The following INTS7 variants were observed in gnomAD, a reference collection of about 807,000 sequenced individuals.
INTS7 encodes the protein integrator complex subunit 7.
A neutral mutation model predicts 109.2 loss-of-function variants in INTS7; 46 were observed. That is an observed-to-expected ratio of 0.42 (90% CI 0.33 to 0.54). The LOEUF (loss-of-function observed/expected upper bound fraction) is 0.54. Ranked by LOEUF, INTS7 falls within the 20% of genes least tolerant of loss-of-function variation. The probability of loss-of-function intolerance (pLI) is 0.07; values close to 1 mark genes in which losing one functional copy is unlikely to be tolerated. For missense variants in INTS7, 929 were observed against 1,132.4 expected, an observed-to-expected ratio of 0.82 and a Z score of 2.58; for synonymous variants, 412 against 402.9, an observed-to-expected ratio of 1.02 and a Z score of -0.27.
chr1:211,984,470 TGTACAACAGTACA>T (rs1664806217), intron 8 of INTS7, among the ~76,000 whole-genome samples: 1 of 152,174 alleles, frequency 6.6e-6, no homozygotes, highest in Admixed American at 6.5e-5. Context: ...TTTCCCCCTA[TGTACAACAGTACA>T]ATTTAAAAAC....
intron 7 of INTS7, among the ~76,000 whole-genome samples, chr1:212,003,338 T>C (rs1571895342): frequency 8.2e-6 from 1 of 122,424 alleles, no homozygotes; most frequent in Middle Eastern, 4.9e-3. Flanking sequence ...CTTCAAAGAG[T>C]ATTACTATTT....
intron 10 of INTS7, among the ~76,000 whole-genome samples, chr1:211,978,911 T>C (rs185262689): frequency 1.7e-4 from 26 of 152,278 alleles, no homozygotes; most frequent in Admixed American, 1.5e-3. Flanking sequence ...AATAAAAATA[T>C]AGATTCCTGA....
At chr1:211,992,012 G>A (rs1253829427) in intron 7 of INTS7, among the ~76,000 whole-genome samples, 1 of 152,172 alleles carries the variant, frequency 6.6e-6, no homozygotes, top group Non-Finnish European at 1.5e-5. Context: ...AATAAAAGCA[G>A]ATATAGATGC....
chr1:212,015,246 G>A (rs968927886), intron 4 of INTS7, among the ~76,000 whole-genome samples: 11 of 152,188 alleles, frequency 7.2e-5, no homozygotes, highest in Admixed American at 1.3e-4. Context: ...TGACGACGAT[G>A]GGGGTTTTGT....
At chr1:212,012,577 C>A (rs988723279) in intron 4 of INTS7, among the ~76,000 whole-genome samples, 6 of 152,092 alleles carry the variant, frequency 3.9e-5, no homozygotes, top group African/African-American at 1.4e-4. Context: ...GCCATGATTG[C>A]GCCACTGCAT....
chr1:212,013,350 A>G (rs1291875684), intron 4 of INTS7, among the ~76,000 whole-genome samples: 3 of 152,244 alleles, frequency 2.0e-5, no homozygotes, highest in Admixed American at 2.0e-4. Flanking sequence ...AAAAGCTTAT[A>G]GAATAAGGAT....
intron 7 of INTS7, among the ~76,000 whole-genome samples, chr1:212,004,199 G>T (rs1665801195): frequency 6.6e-6 from 1 of 152,140 alleles, no homozygotes; most frequent in Non-Finnish European, 1.5e-5. Context: ...AAAATTAGCT[G>T]GGTGTGGTGG....
intron 5 of INTS7, among the ~76,000 whole-genome samples, chr1:212,010,204 T>C (rs1043309702): frequency 1.3e-5 from 2 of 152,224 alleles, no homozygotes; most frequent in Non-Finnish European, 2.9e-5. Context: ...AGGAATGCTC[T>C]TTATAAGAAT....
intron 7 of INTS7, among the ~76,000 whole-genome samples, chr1:212,005,590 C>T (rs1436593048): frequency 6.6e-6 from 1 of 152,160 alleles, no homozygotes; most frequent in Non-Finnish European, 1.5e-5. Flanking sequence ...TACTGTGCTT[C>T]TCACTCATCT....
At position 211,976,651 on chromosome 1, in the gene INTS7, A is replaced by G. The variant is rs201198293; in HGVS notation, c.1539T>C (p.Ile513=). Residue 513 remains isoleucine (I), a synonymous_variant, in exon 12 of 20, where the codon ATT becomes ATC. Transcript: ENST00000366994. ...TGGAGACACTTTCAAGCTGCTGCTT[A>G]ATTACTGCCTTACTTTCCACAGACA... is the stretch of plus-strand genomic sequence containing the variant. The part of the protein sequence containing the change: ...KALSVESKAV[I]KQQLESVSNG... The G allele has an allele frequency of 3.5e-5, 56 of 1,613,874 alleles. No homozygotes were observed. The East Asian group carries it at 1.0e-3, about 30-fold the overall frequency.
chr1:211,960,520 G>A (rs760076813), intron 16 of INTS7, among the ~76,000 whole-genome samples: 10 of 152,034 alleles, frequency 6.6e-5, no homozygotes, highest in Non-Finnish European at 1.5e-4. Flanking sequence ...TCAAGAAGGA[G>A]GAATACATTG....
chr1:211,969,546 CTTTTCT>C (rs1664071079), intron 13 of INTS7, among the ~76,000 whole-genome samples: 7 of 121,098 alleles, frequency 5.8e-5, no homozygotes, highest in South Asian at 2.7e-4. Context: ...TTTTCTTTTT[CTTTTCT>C]TTTTTTTTTT....
At chr1:212,029,583 G>A (rs545399947) in intron 1 of INTS7, among the ~76,000 whole-genome samples, 80 of 152,334 alleles carry the variant, frequency 5.3e-4, no homozygotes, top group Non-Finnish European at 9.1e-4. Flanking sequence ...GTAAGACAAG[G>A]TTCATGATAT....
intron 8 of INTS7, 122 bp downstream of exon 8, chr1:211,987,764 G>A: frequency 2.0e-6 from 1 of 507,844 alleles, no homozygotes; most frequent in South Asian, 3.7e-5. Context: ...TCACTAGCAT[G>A]CAATGGAGTA....
At chr1:211,975,562 C>T (rs1558034698) in intron 12 of INTS7, among the ~76,000 whole-genome samples, 190 bp from the exon 13 acceptor site, 1 of 152,122 alleles carries the variant, frequency 6.6e-6, no homozygotes, top group African/African-American at 2.4e-5. Context: ...TGCTGAGTTG[C>T]TTTTATGTAA....
intron 5 of INTS7, among the ~76,000 whole-genome samples, chr1:212,009,579 T>A (rs1472052379): frequency 6.6e-6 from 1 of 152,194 alleles, no homozygotes; most frequent in Non-Finnish European, 1.5e-5. Flanking sequence ...TCTAGTAACC[T>A]CTCTTTAACC....
intron 1 of INTS7, among the ~76,000 whole-genome samples, chr1:212,022,669 T>C (rs1427217438): frequency 6.6e-6 from 1 of 151,572 alleles, no homozygotes; most frequent in Non-Finnish European, 1.5e-5. Context: ...GGGATAACTA[T>C]AACTCTCATA....
In INTS7 at chr1:211,961,459, T is replaced by A. The variant is rs564487679; in HGVS notation, c.2183+4971A>T. Among the ~76,000 whole-genome samples the A allele has an allele frequency of 5.3e-5, 8 of 151,916 alleles. 1 individual carries two copies. In the South Asian group the frequency reaches 1.7e-3, roughly 32 times the overall value. On this transcript the variant is annotated intron_variant, in intron 16 of 19. Transcript: ENST00000366994. ...TTTTTTTTTTTCCTGAGATGGAGTC[T>A]TGGTCTGTTGCCCAGGCTGGAGTGC...
At chr1:211,994,136 A>G (rs953375865) in intron 7 of INTS7, among the ~76,000 whole-genome samples, 2 of 152,198 alleles carry the variant, frequency 1.3e-5, no homozygotes, top group Admixed American at 6.5e-5. Context: ...AAAGGAGAGA[A>G]GGAAGAAGGG....
Sources: allele counts gnomAD v4.1 joint callset (sites outside exome capture counted in the v4.1 genomes callset), GRCh38; gene constraint gnomAD v4.1.1; transcripts MANE v1.5; gene names NCBI Gene and HGNC (gene_info 2026-07-23, HGNC 2026-07-21).